Variants in INIP observed in about 807,000 individuals in gnomAD.
INIP encodes SOSS complex subunit C.
Under a neutral mutation model 14.0 loss-of-function variants are expected in INIP, and 9 were observed. The observed-to-expected ratio is 0.64, with a 90% confidence interval of 0.39 to 1.12. The LOEUF (loss-of-function observed/expected upper bound fraction) is 1.12. Ranked by LOEUF, INIP falls within the 50% of genes most tolerant of loss-of-function variation. The pLI, the probability that INIP is intolerant of heterozygous loss-of-function variation, is 0.01. For synonymous variants in INIP, 37 were observed against 41.5 expected (o/e 0.89, Z 0.41); for missense variants, 78 against 122.7 (o/e 0.64, Z 1.72).
chr9:112,714,884 A>G (rs1419081244), intron 2 of INIP, among the ~76,000 whole-genome samples: 1 of 152,134 alleles, frequency 6.6e-6, no homozygotes, highest in Non-Finnish European at 1.5e-5. Context: ...ATAGCCTACT[A>G]CACAACCTAG....
In INIP at chr9:112,694,109, A is replaced by G. The variant is rs778451397; in HGVS notation, c.128+22T>C. 2.8e-6 allele frequency: 4 copies of G among 1,431,046 alleles called. No individual in the cohort carries two copies. In the African/African-American group the frequency reaches 5.8e-5, roughly 21 times the overall value. 88.6% of individuals were successfully genotyped at this position (1,431,046 alleles called of 1,614,324 possible). On this transcript the variant is annotated intron_variant, in intron 3 of 4. Transcript: ENST00000374242. ...CAAAACAAAACAAAACAAACAAAAA[A>G]CCCACATTATAGTGTCAATACCTAG...
rs1262189862 is a variant in INIP, at chr9:112,684,833, AAC to A, written c.*2703_*2704del. On this transcript the variant is annotated 3_prime_UTR_variant, in exon 5 of 5. Coordinates refer to ENST00000374242, the MANE Select transcript of INIP (RefSeq NM_021218.3). ...GGAGGGAGGAACATACAAAGATATTAACTGAGTTCCTCAAATTCACCCATGAT... is the reference window on the plus strand; with the variant it reads ...GGAGGGAGGAACATACAAAGATATTATGAGTTCCTCAAATTCACCCATGAT... 1 of 152,224 alleles carries A rather than the reference AAC, an allele frequency of 6.6e-6. No homozygotes were observed. The highest frequency in any genetic ancestry group is 2.4e-5 in the African/African-American group (1 of 41,444). 9.4% of individuals were successfully genotyped at this position (152,224 alleles called of 1,614,324 possible).
chr9:112,707,177 G>A (rs1184004835), intron 2 of INIP, among the ~76,000 whole-genome samples: 1 of 151,220 alleles, frequency 6.6e-6, no homozygotes, highest in South Asian at 2.1e-4. Flanking sequence ...GACCTCAGGT[G>A]ATCCGCCCAC....
At chr9:112,711,171 TAAAAA>T (rs966914228) in intron 2 of INIP, among the ~76,000 whole-genome samples, 6 of 151,140 alleles carry the variant, frequency 4.0e-5, no homozygotes, top group Non-Finnish European at 7.4e-5. Flanking sequence ...CCCTGCCTCT[TAAAAA>T]AAAATTAAAT....
Position 112,692,135 on chromosome 9 carries a change from G to A in INIP, c.128+1996C>T, listed in dbSNP as rs531362619. Among the ~76,000 whole-genome samples the A allele has an allele frequency of 1.1e-4, 17 of 152,348 alleles. No homozygotes were observed. In the East Asian group the frequency reaches 2.7e-3, roughly 24 times the overall value. ...ACCCGGGAAGGTTACAAGAGACCTAGGCAAGAACATTTTCTTTGATGGAGG... is the reference window on the plus strand; with the variant it reads ...ACCCGGGAAGGTTACAAGAGACCTAAGCAAGAACATTTTCTTTGATGGAGG... On this transcript the variant is annotated intron_variant, in intron 3 of 4. Coordinates refer to ENST00000374242, the MANE Select transcript of INIP (RefSeq NM_021218.3).
intron 2 of INIP, among the ~76,000 whole-genome samples, chr9:112,696,144 A>C (rs1235594401): frequency 3.9e-5 from 6 of 151,966 alleles, no homozygotes; most frequent in Non-Finnish European, 8.8e-5. Context: ...CTCCCACCTT[A>C]GTCTCACAAA....
At chr9:112,708,641 T>A (rs578016207) in intron 2 of INIP, among the ~76,000 whole-genome samples, 34 of 152,242 alleles carry the variant, frequency 2.2e-4, no homozygotes, top group African/African-American at 7.7e-4. Context: ...TTCTTATGGA[T>A]CTATAGGTCA....
In INIP at chr9:112,687,116, T is replaced by C. The variant is rs1053141953; in HGVS notation, c.*422A>G. The C allele has an allele frequency of 6.5e-6, 1 of 154,316 alleles. No individual in the cohort carries two copies. The highest frequency in any genetic ancestry group is 1.4e-5 in the Non-Finnish European group (1 of 69,482). The allele number at this position is 154,316 out of a possible 1,614,324, so 9.6% of individuals were successfully genotyped here. A position where few individuals can be genotyped will look rare whatever the true frequency, so the allele number is the denominator to read the frequency against. ...ATAGCAATCCTATAAACAGCAAATATGGATGCAATTGATTTAAGCCTATTA... is the reference window on the plus strand; with the variant it reads ...ATAGCAATCCTATAAACAGCAAATACGGATGCAATTGATTTAAGCCTATTA... On this transcript the variant is annotated 3_prime_UTR_variant, in exon 5 of 5. Transcript: ENST00000374242.
intron 3 of INIP, among the ~76,000 whole-genome samples, chr9:112,691,715 C>A (rs1837890079): frequency 6.6e-6 from 1 of 152,186 alleles, no homozygotes; most frequent in Non-Finnish European, 1.5e-5. Flanking sequence ...CAAGAGAGTA[C>A]TTTAAGAGAG....
At chr9:112,715,133 T>TAC (rs58647648) in intron 2 of INIP, among the ~76,000 whole-genome samples, 21,631 of 132,986 alleles carry the variant, frequency 0.16, 1,725 homozygotes, top group East Asian at 0.28. Flanking sequence ...CATACATACA[T>TAC]ACACACACAC....
intron 2 of INIP, among the ~76,000 whole-genome samples, chr9:112,695,133 G>A (rs1258307808): frequency 2.0e-5 from 3 of 151,660 alleles, no homozygotes; most frequent in Non-Finnish European, 4.4e-5. Flanking sequence ...CTTTAGCTGG[G>A]CACTCTCCAG....
At position 112,686,947 on chromosome 9, in the gene INIP, C is replaced by T. The variant is rs1008534061; in HGVS notation, c.*591G>A. ...CATCTAGTCACAACATTTATAAGAGCATATGTTTATAAAAGATGGTTAAGA... is the reference window on the plus strand; with the variant it reads ...CATCTAGTCACAACATTTATAAGAGTATATGTTTATAAAAGATGGTTAAGA... On this transcript the variant is annotated 3_prime_UTR_variant, in exon 5 of 5. Coordinates refer to ENST00000374242, the MANE Select transcript of INIP (RefSeq NM_021218.3). The T allele has an allele frequency of 6.6e-6, 1 of 152,110 alleles. No homozygotes were observed. The highest frequency in any genetic ancestry group is 2.4e-5 in the African/African-American group (1 of 41,398). The allele number at this position is 152,110 out of a possible 1,614,324, so 9.4% of individuals were successfully genotyped here. A position where few individuals can be genotyped will look rare whatever the true frequency, so the allele number is the denominator to read the frequency against.
At position 112,698,779 on chromosome 9, in the gene INIP, T is replaced by A. The variant is rs138717483; in HGVS notation, c.26-4546A>T. Among the ~76,000 whole-genome samples the A allele has an allele frequency of 4.8e-3, 729 of 152,308 alleles. 4 individuals carry two copies. Among genetic ancestry groups the A allele is most frequent in the Non-Finnish European group, 8.5e-3 (577 of 68,034 alleles). Reference sequence around the variant, plus strand: ...CCCAGTTTTAACAAAGCTGGTCAGATAACTATCTTAAGGAGCAGAAAAATG... The same window carrying A: ...CCCAGTTTTAACAAAGCTGGTCAGAAAACTATCTTAAGGAGCAGAAAAATG... On this transcript the variant is annotated intron_variant, in intron 2 of 4. Transcript: ENST00000374242.
chr9:112,711,770 A>G (rs1256902397), intron 2 of INIP, among the ~76,000 whole-genome samples: 2 of 152,216 alleles, frequency 1.3e-5, no homozygotes, highest in Non-Finnish European at 2.9e-5. Context: ...CTGCTGGGAA[A>G]GCTGTCACCA....
chr9:112,702,331 A>T (rs909831920), intron 2 of INIP, among the ~76,000 whole-genome samples: 3 of 152,182 alleles, frequency 2.0e-5, no homozygotes, highest in African/African-American at 7.2e-5. Flanking sequence ...CTATAAAGAT[A>T]ATCTGATCAA....
intron 2 of INIP, among the ~76,000 whole-genome samples, chr9:112,702,932 A>T (rs1838347001): frequency 6.6e-6 from 1 of 152,242 alleles, no homozygotes; most frequent in South Asian, 2.1e-4. Context: ...TATAACACCA[A>T]GCTGACAGGA....
chr9:112,694,771 A>G (rs116397021), intron 2 of INIP, among the ~76,000 whole-genome samples: 2 of 152,224 alleles, frequency 1.3e-5, no homozygotes, highest in African/African-American at 4.8e-5. Flanking sequence ...TAATTTTTCA[A>G]GGAACATGTC....
At position 112,702,689 on chromosome 9, in the gene INIP, C is replaced by G. The variant is rs187737641; in HGVS notation, c.26-8456G>C. Among the ~76,000 whole-genome samples, 562 of 152,204 alleles carry G rather than the reference C, an allele frequency of 3.7e-3. 6 individuals carry two copies. Among genetic ancestry groups the G allele is most frequent in the African/African-American group, 0.013 (524 of 41,502 alleles). On this transcript the variant is annotated intron_variant, in intron 2 of 4. Transcript: ENST00000374242. The stretch of plus-strand genomic sequence containing the variant: ...AAGCGATTCTCCTGCCTCAGCCTCC[C>G]AAGTAGCTGGGACTACAGGCACGTG...
intron 2 of INIP, among the ~76,000 whole-genome samples, chr9:112,713,984 CAAAAAAA>C (rs376955548): frequency 0.048 from 3,801 of 78,820 alleles, 170 homozygotes; most frequent in African/African-American, 0.15. Context: ...AACTCCATCT[CAAAAAAA>C]AAAAAAAAAG....
Sources: allele counts gnomAD v4.1 joint callset (sites outside exome capture counted in the v4.1 genomes callset), GRCh38; gene constraint gnomAD v4.1.1; transcripts MANE v1.5; gene names NCBI Gene and HGNC (gene_info 2026-07-23, HGNC 2026-07-21).